Variants in CDH20 observed in about 807,000 individuals in gnomAD.
The protein encoded by CDH20 is cadherin-20.
CDH20 carries 29 observed loss-of-function variants against 74.2 expected under a neutral mutation model. The observed-to-expected ratio is 0.39, with a 90% CI of 0.29 to 0.53. CDH20 has a LOEUF of 0.53. Ranked by LOEUF, CDH20 falls within the 20% of genes least tolerant of loss-of-function variation. CDH20 has a pLI of 0.69. For missense variants in CDH20, 988 were observed against 1,048.3 expected, an observed-to-expected ratio of 0.94 and a Z score of 0.79; for synonymous variants, 469 against 405.4, an observed-to-expected ratio of 1.16 and a Z score of -1.88.
intron 2 of CDH20, among the ~76,000 whole-genome samples, chr18:61,495,671 C>T (rs755662241): frequency 2.6e-5 from 4 of 152,184 alleles, no homozygotes; most frequent in Non-Finnish European, 5.9e-5. Context: ...CCTCAAGGGG[C>T]TCCGCTCCAA....
chr18:61,384,199 AT>A (rs1488537102), intron 1 of CDH20, among the ~76,000 whole-genome samples: 1 of 152,176 alleles, frequency 6.6e-6, no homozygotes, highest in Non-Finnish European at 1.5e-5. Context: ...ATAGTAAATC[AT>A]TCCAAAAATG....
At chr18:61,348,688 C>T (rs978376086) in intron 1 of CDH20, among the ~76,000 whole-genome samples, 1 of 151,988 alleles carries the variant, frequency 6.6e-6, no homozygotes, top group Non-Finnish European at 1.5e-5. Flanking sequence ...AGATTGTCAC[C>T]CCATCTAAAG....
chr18:61,348,650 C>T (rs1910211264), intron 1 of CDH20, among the ~76,000 whole-genome samples: 1 of 152,092 alleles, frequency 6.6e-6, no homozygotes, highest in African/African-American at 2.4e-5. Flanking sequence ...TTATCCAATC[C>T]ACATAGCCGT....
At chr18:61,538,584 G>GTTTTTTTTTTTTT (rs1568182044) in intron 8 of CDH20, among the ~76,000 whole-genome samples, 10 of 55,840 alleles carry the variant, frequency 1.8e-4, no homozygotes, top group Admixed American at 1.9e-4. Context: ...ACTACTTTTT[G>GTTTTTTTTTTTTT]TTTGTTTGTT....
At chr18:61,484,786 C>T (rs1456659551) in intron 1 of CDH20, among the ~76,000 whole-genome samples, 20 of 115,926 alleles carry the variant, frequency 1.7e-4, no homozygotes, top group Non-Finnish European at 3.3e-4. Flanking sequence ...CACACACACA[C>T]ATCCCTACCA....
At position 61,499,481 on chromosome 18, in the gene CDH20, G is replaced by A. The variant is rs1386962790; in HGVS notation, c.541+1G>A. On this transcript the variant is annotated splice_donor_variant, in intron 3 of 11. Transcript: ENST00000262717. LOFTEE classifies it high-confidence loss of function. The stretch of plus-strand genomic sequence containing the variant: ...ACTGTGCCAGAAATGTCCCCTGTGG[G>A]TAAGGTGGTGACTCGCTGATTTTCA... 5 of 1,596,270 alleles carry A rather than the reference G, an allele frequency of 3.1e-6. No homozygotes were observed. The highest frequency in any genetic ancestry group is 4.3e-6 in the Non-Finnish European group (5 of 1,170,332).
chr18:61,340,514 G>A (rs4941008), intron 1 of CDH20, among the ~76,000 whole-genome samples: 146,641 of 152,192 alleles, frequency 0.96, 70,881 homozygotes, highest in Middle Eastern at 1. Context: ...TTTGATTTCC[G>A]CTTTCCCCCA....
chr18:61,360,409 G>A (rs1335089798), intron 1 of CDH20, among the ~76,000 whole-genome samples: 1 of 152,170 alleles, frequency 6.6e-6, no homozygotes. Context: ...ACTTAATGGA[G>A]GGAATACAAA....
At chr18:61,518,648 C>T (rs1474355813) in intron 6 of CDH20, among the ~76,000 whole-genome samples, 2 of 151,330 alleles carry the variant, frequency 1.3e-5, no homozygotes, top group Non-Finnish European at 2.9e-5. Flanking sequence ...GTAGATAAAT[C>T]CATGAAGATG....
rs546951798 is a variant in CDH20 at position 61,423,553 on chromosome 18, G to A, written c.-152-66849G>A. Among the ~76,000 whole-genome samples the A allele has an allele frequency of 5.9e-5, 9 of 152,060 alleles. 1 individual carries two copies. The South Asian group carries it at 1.9e-3, about 32-fold the overall frequency. ...AAGATTAAGCATCTATTAAGTCCAG[G>A]CTGACTCTCTCTGGAAATTTCTTTT... is the stretch of plus-strand genomic sequence containing the variant. On this transcript the variant is annotated intron_variant, in intron 1 of 11. Transcript: ENST00000262717.
At position 61,368,686 on chromosome 18, in the gene CDH20, C is replaced by A. The variant is rs1244633756; in HGVS notation, c.-153+34859C>A. On this transcript the variant is annotated intron_variant, in intron 1 of 11. Coordinates refer to ENST00000262717, the MANE Select transcript of CDH20 (RefSeq NM_031891.4). The stretch of plus-strand genomic sequence containing the variant: ...ATCTCCCATTAAACACAATTAGTAA[C>A]CAATTGCATCAAAGTAAAAGTACAC... Among the ~76,000 whole-genome samples, 23 of 151,656 alleles carry A rather than the reference C, an allele frequency of 1.5e-4. 1 individual carries two copies. Among genetic ancestry groups the A allele is most frequent in the Non-Finnish European group, 4.4e-5 (3 of 67,848 alleles).
At chr18:61,499,018 A>G (rs1416676606) in intron 2 of CDH20, among the ~76,000 whole-genome samples, 168 bp from the exon 3 acceptor site, 1 of 152,196 alleles carries the variant, frequency 6.6e-6, no homozygotes, top group African/African-American at 2.4e-5. Flanking sequence ...CCACTCCTTG[A>G]TACAATCGTG....
At chr18:61,500,276 C>T (rs1911327620) in intron 3 of CDH20, 107 bp from the exon 4 acceptor site, 3 of 1,179,966 alleles carry the variant, frequency 2.5e-6, no homozygotes, top group East Asian at 4.8e-5. Context: ...GGGGACTCTC[C>T]CAATGAAGCA....
At chr18:61,441,379 T>C (rs1363441405) in intron 1 of CDH20, among the ~76,000 whole-genome samples, 1 of 152,210 alleles carries the variant, frequency 6.6e-6, no homozygotes, top group East Asian at 1.9e-4. Context: ...TCTTGTAAAG[T>C]ACTAAGTGAA....
At chr18:61,489,954 G>A (rs1289186004) in intron 1 of CDH20, among the ~76,000 whole-genome samples, 1 of 152,108 alleles carries the variant, frequency 6.6e-6, no homozygotes, top group African/African-American at 2.4e-5. Context: ...AAGGTAGTTG[G>A]ATTTTACTAT....
intron 1 of CDH20, among the ~76,000 whole-genome samples, chr18:61,334,822 T>C (rs1009525443): frequency 6.6e-6 from 1 of 152,156 alleles, no homozygotes; most frequent in Non-Finnish European, 1.5e-5. Flanking sequence ...GAGTTTACTA[T>C]GTTGTTGCTA....
chr18:61,347,027 C>T (rs1910134070), intron 1 of CDH20, among the ~76,000 whole-genome samples: 1 of 151,862 alleles, frequency 6.6e-6, no homozygotes, highest in South Asian at 2.1e-4. Flanking sequence ...TCTATTTTTG[C>T]TCTTGCTTTC....
chr18:61,351,218 A>AC (rs1207541403), intron 1 of CDH20, among the ~76,000 whole-genome samples: 2 of 152,246 alleles, frequency 1.3e-5, no homozygotes, highest in East Asian at 3.9e-4. Context: ...ACCGAGTAAG[A>AC]CCATCTGGAT....
intron 1 of CDH20, among the ~76,000 whole-genome samples, chr18:61,339,571 C>A (rs926734523): frequency 6.6e-6 from 1 of 151,668 alleles, no homozygotes; most frequent in African/African-American, 2.4e-5. Context: ...GAGTCTTAGA[C>A]CAATCATGAC....
Sources: gnomAD v4.1 joint callset for allele counts (sites outside exome capture counted in the v4.1 genomes callset) on GRCh38, gnomAD v4.1.1 for gene constraint, MANE v1.5 for transcripts, NCBI Gene and HGNC (gene_info 2026-07-23, HGNC 2026-07-21) for gene names.